WDPCP: variants seen among roughly 807,000 people sequenced by gnomAD.
The protein encoded by WDPCP is WD repeat containing planar cell polarity effector.
A neutral mutation model predicts 93.1 loss-of-function variants in WDPCP; 71 were observed. That is an observed-to-expected ratio of 0.76 (90% confidence interval 0.63 to 0.93). The LOEUF is 0.93. Ranked by LOEUF, WDPCP falls within the 40% of genes least tolerant of loss-of-function variation. WDPCP has a pLI of 0.00. For synonymous variants in WDPCP, 315 were observed against 315.0 expected (o/e 1.00, Z 0.00); for missense variants, 844 against 887.4 (o/e 0.95, Z 0.62).
At chr2:63,757,874 A>T (rs1486224864) in intron 2 of WDPCP, among the ~76,000 whole-genome samples, 1 of 152,198 alleles carries the variant, frequency 6.6e-6, no homozygotes, top group East Asian at 1.9e-4. Context: ...ACTAAGTTGA[A>T]CAGAGACCTC....
intron 1 of WDPCP, among the ~76,000 whole-genome samples, chr2:63,825,279 AAT>A (rs1671095570): frequency 6.6e-6 from 1 of 152,130 alleles, no homozygotes; most frequent in African/African-American, 2.4e-5. Context: ...AATATTTGGC[AAT>A]ATATATTAAA....
At chr2:63,564,215 A>C (rs1706852238) in intron 1 of WDPCP, 1 of 152,144 alleles carries the variant, frequency 6.6e-6, no homozygotes, top group Admixed American at 6.5e-5. Flanking sequence ...ATTTTTGGAA[A>C]TTTCATTTTC....
intron 17 of WDPCP, among the ~76,000 whole-genome samples, chr2:63,127,314 G>A (rs1574666297): frequency 2.0e-5 from 3 of 151,386 alleles, no homozygotes; most frequent in South Asian, 4.2e-4. Flanking sequence ...TAGTAGAGAC[G>A]GGGTTTCACC....
chr2:63,368,764 G>C (rs975152644), intron 12 of WDPCP: 6 of 152,110 alleles, frequency 3.9e-5, no homozygotes, highest in African/African-American at 1.4e-4. Context: ...GGATTATTAA[G>C]GTTGTGTCTA....
intron 14 of WDPCP, among the ~76,000 whole-genome samples, chr2:63,244,418 A>T (rs1680107900): frequency 6.6e-6 from 1 of 152,216 alleles, no homozygotes. Flanking sequence ...AAGATCAATG[A>T]AACCAAAAGT....
At chr2:63,382,172 G>C in intron 10 of WDPCP, 78 bp from the exon 11 acceptor site, 3 of 1,427,890 alleles carry the variant, frequency 2.1e-6, no homozygotes, top group Non-Finnish European at 2.9e-6. Context: ...TTTCCATAAA[G>C]AAAAAAACCT....
At chr2:63,657,428 G>C (rs951567706) in intron 2 of WDPCP, among the ~76,000 whole-genome samples, 1 of 151,942 alleles carries the variant, frequency 6.6e-6, no homozygotes, top group East Asian at 1.9e-4. Flanking sequence ...GGATGGTCTC[G>C]ATCTTCTGAC....
At chr2:63,358,855 A>T (rs1365396545) in intron 12 of WDPCP, among the ~76,000 whole-genome samples, 1 of 152,098 alleles carries the variant, frequency 6.6e-6, no homozygotes, top group Non-Finnish European at 1.5e-5. Flanking sequence ...CATTTTTTAA[A>T]TCCCCAAAAT....
At chr2:63,572,726 A>AAAAAAAAAAAAAAT (rs56275317) in intron 1 of WDPCP, among the ~76,000 whole-genome samples, 2 of 144,864 alleles carry the variant, frequency 1.4e-5, no homozygotes, top group East Asian at 2.0e-4. Context: ...AAAAAAAAAA[A>AAAAAAAAAAAAAAT]GTTGGACAGC....
chr2:63,413,786 A>AAAAC (rs35156273), intron 9 of WDPCP, among the ~76,000 whole-genome samples: 58,832 of 150,436 alleles, frequency 0.39, 11,785 homozygotes, highest in Non-Finnish European at 0.42. Context: ...TCTGTCTCAA[A>AAAAC]AAACAAACAA....
intron 13 of WDPCP, among the ~76,000 whole-genome samples, chr2:63,265,905 C>CA (rs1360544828): frequency 6.6e-6 from 1 of 152,078 alleles, no homozygotes; most frequent in Non-Finnish European, 1.5e-5. Context: ...AGATGAAGGA[C>CA]AAAAACTGCA....
chr2:63,562,898 A>G (rs1001195708), intron 1 of WDPCP, among the ~76,000 whole-genome samples: 6 of 152,186 alleles, frequency 3.9e-5, no homozygotes, highest in African/African-American at 1.4e-4. Context: ...ACAGCAAGCT[A>G]TTTCTCTAAG....
intron 12 of WDPCP, among the ~76,000 whole-genome samples, chr2:63,334,429 C>T (rs561033567): frequency 5.1e-4 from 77 of 152,192 alleles, no homozygotes; most frequent in African/African-American, 1.8e-3. Context: ...AACATTGGTT[C>T]GGTCCAGAAA....
chr2:63,619,954 T>C (rs1289367918), intron 3 of WDPCP, among the ~76,000 whole-genome samples: 1 of 152,080 alleles, frequency 6.6e-6, no homozygotes, highest in East Asian at 1.9e-4. Flanking sequence ...AGGTAAGCCG[T>C]GAGGGACTGT....
intron 14 of WDPCP, among the ~76,000 whole-genome samples, chr2:63,220,969 C>T (rs1255109450): frequency 6.6e-6 from 1 of 152,150 alleles, no homozygotes; most frequent in Non-Finnish European, 1.5e-5. Context: ...GTTTTCTGTT[C>T]CTGCATTAGT....
intron 12 of WDPCP, among the ~76,000 whole-genome samples, chr2:63,357,456 T>C (rs1038344332): frequency 1.3e-5 from 2 of 151,978 alleles, no homozygotes; most frequent in Non-Finnish European, 2.9e-5. Context: ...GCAAAGGACA[T>C]GAACAGACAC....
intron 2 of WDPCP, among the ~76,000 whole-genome samples, chr2:63,718,376 A>G (rs530310984): frequency 1.3e-5 from 2 of 152,318 alleles, no homozygotes; most frequent in Admixed American, 1.3e-4. Flanking sequence ...TCTTACCAAC[A>G]ATGTATAAGT....
intron 1 of WDPCP, among the ~76,000 whole-genome samples, chr2:63,538,497 C>T (rs1704479287): frequency 6.6e-6 from 1 of 152,064 alleles, no homozygotes; most frequent in African/African-American, 2.4e-5. Flanking sequence ...AATTGTTTTG[C>T]ACATTCTATG....
intron 2 of WDPCP, among the ~76,000 whole-genome samples, chr2:63,787,787 C>A (rs1218288083): frequency 1.3e-5 from 2 of 152,138 alleles, no homozygotes; most frequent in African/African-American, 2.4e-5. Flanking sequence ...TGTCTCTAAT[C>A]CCAGCACTTT....
Sources: allele counts gnomAD v4.1 joint callset (sites outside exome capture counted in the v4.1 genomes callset), GRCh38; gene constraint gnomAD v4.1.1; transcripts MANE v1.5; gene names NCBI Gene and HGNC (gene_info 2026-07-23, HGNC 2026-07-21).